Variants in PEX3 observed in about 807,000 individuals in gnomAD.
PEX3 encodes the protein peroxisomal biogenesis factor 3.
In PEX3, 30 loss-of-function variants were observed where a neutral mutation model predicts 55.8. That is an observed-to-expected ratio of 0.54 (90% CI 0.40 to 0.73). The LOEUF is 0.73. Among genes scored for constraint, PEX3 ranks in the 30% least tolerant of loss-of-function variants. The probability of loss-of-function intolerance (pLI) is 0.00; values close to 1 mark genes in which losing one functional copy is unlikely to be tolerated. For missense variants in PEX3, 351 were observed against 432.8 expected, an observed-to-expected ratio of 0.81 and a Z score of 1.68; for synonymous variants, 135 against 148.4, an observed-to-expected ratio of 0.91 and a Z score of 0.66.
Position 143,471,700 on chromosome 6 carries a change from C to G in PEX3, c.578+89C>G. The G allele has an allele frequency of 1.1e-6, 1 of 916,886 alleles. No individual in the cohort carries two copies. The highest frequency in any genetic ancestry group is 1.8e-6 in the Non-Finnish European group (1 of 548,952). 56.8% of individuals were successfully genotyped at this position (916,886 alleles called of 1,614,324 possible). On this transcript the variant is annotated intron_variant, in intron 7 of 11. Coordinates refer to ENST00000367591, the MANE Select transcript of PEX3 (RefSeq NM_003630.3). This position sits in a 1 kb window ranked among gnomAD's most constrained non-coding sequence, Gnocchi z 5.4. ...TGTTCTAGTGAAACCAGTGACTTGA[C>G]AAACGGTGATTTGTGAAACTCTTTG...
chr6:143,477,749 C>T (rs1040485864), intron 9 of PEX3, among the ~76,000 whole-genome samples: 3 of 152,122 alleles, frequency 2.0e-5, no homozygotes, highest in Admixed American at 6.5e-5. Flanking sequence ...TCTATCTTAA[C>T]TCACTTAAAC....
At chr6:143,474,950 A>G (rs1304290976) in intron 9 of PEX3, 94 bp downstream of exon 9, 5 of 672,134 alleles carry the variant, frequency 7.4e-6, no homozygotes, top group Non-Finnish European at 1.3e-5. Context: ...TGGTCGGTAT[A>G]ATATTATATT....
Position 143,471,133 on chromosome 6 carries a change from T to C in PEX3, c.456+48T>C. Reference sequence around the variant, plus strand: ...GACATTGTTCTTTCCCTCAGGAGGTTCAAAGTTTAACTTATTTATCCTGAT... The same window carrying C: ...GACATTGTTCTTTCCCTCAGGAGGTCCAAAGTTTAACTTATTTATCCTGAT... On this transcript the variant is annotated intron_variant, in intron 5 of 11. Coordinates refer to ENST00000367591, the MANE Select transcript of PEX3 (RefSeq NM_003630.3). This position sits in a 1 kb window ranked among gnomAD's most constrained non-coding sequence, Gnocchi z 5.4. The C allele has an allele frequency of 6.4e-7, 1 of 1,560,418 alleles. No homozygotes were observed. The highest frequency in any genetic ancestry group is 1.1e-5 in the South Asian group (1 of 89,706).
chr6:143,485,664 GT>G lies in PEX3; in HGVS notation c.1038+418del, dbSNP rs558064721. ...TTTTAGTGATTAATAAAATGTAACA[GT>G]TAATAGTGCATCAATAATATGCTCA... On this transcript the variant is annotated intron_variant, in intron 11 of 11. Coordinates refer to ENST00000367591, the MANE Select transcript of PEX3 (RefSeq NM_003630.3). This position sits in a 1 kb window ranked among gnomAD's most constrained non-coding sequence, Gnocchi z 5.6. Among the ~76,000 whole-genome samples the G allele has an allele frequency of 2.5e-3, 377 of 152,204 alleles. 10 individuals are homozygous for G. The highest frequency in any genetic ancestry group is 0.022 in the Admixed American group (336 of 15,266).
chr6:143,451,144 A>C lies in PEX3; in HGVS notation c.73+29A>C. 1.9e-5 allele frequency: 28 copies of C among 1,457,332 alleles called. No individual in the cohort carries two copies. Among genetic ancestry groups the C allele is most frequent in the Non-Finnish European group, 2.3e-5 (24 of 1,036,728 alleles). The allele number at this position is 1,457,332 out of a possible 1,614,324, so 90.3% of individuals were successfully genotyped here. A position where few individuals can be genotyped will look rare whatever the true frequency, so the allele number is the denominator to read the frequency against. ...GGTGACAACGTGCTTGAAAGGGGGC[A>C]TTGGGAGAAGGGGGTGGGAGAGGTG... On this transcript the variant is annotated intron_variant, in intron 1 of 11. Coordinates refer to ENST00000367591, the MANE Select transcript of PEX3 (RefSeq NM_003630.3). This position sits in a 1 kb window ranked among gnomAD's most constrained non-coding sequence, Gnocchi z 4.1.
chr6:143,463,181 G>A lies in PEX3; in HGVS notation c.287+184G>A, dbSNP rs1034033825. 1.3e-5 allele frequency among the ~76,000 whole-genome samples: 2 copies of A among 151,770 alleles called. No individual in the cohort carries two copies. The highest frequency in any genetic ancestry group is 4.8e-5 in the African/African-American group (2 of 41,336). On this transcript the variant is annotated intron_variant, in intron 3 of 11. Coordinates refer to ENST00000367591, the MANE Select transcript of PEX3 (RefSeq NM_003630.3). This position sits in a 1 kb window ranked among gnomAD's most constrained non-coding sequence, Gnocchi z 5.7. ...AATTTTGTCTATGCTCTACTTTTTT[G>A]CATAAAGCATTCAAGGCAATGATAT...
In PEX3 at chr6:143,471,155, TGA is replaced by T; in HGVS notation, c.456+71_456+72del. 7.7e-7 allele frequency: 1 copy of T among 1,301,880 alleles called. No homozygotes were observed. Among genetic ancestry groups the T allele is most frequent in the East Asian group, 2.3e-5 (1 of 43,254 alleles). 80.6% of individuals were successfully genotyped at this position (1,301,880 alleles called of 1,614,324 possible). A position where few individuals can be genotyped will look rare whatever the true frequency, so the allele number is the denominator to read the frequency against. On this transcript the variant is annotated intron_variant, in intron 5 of 11. Coordinates refer to ENST00000367591, the MANE Select transcript of PEX3 (RefSeq NM_003630.3). The surrounding 1 kb of genome is among the most constrained non-coding windows in gnomAD (Gnocchi z 5.4). ...GGTTCAAAGTTTAACTTATTTATCCTGATAACAATTTCTATGAAATAAATATT... is the reference window on the plus strand; with the variant it reads ...GGTTCAAAGTTTAACTTATTTATCCTTAACAATTTCTATGAAATAAATATT...
rs1470801085 is a variant in PEX3 at position 143,465,209 on chromosome 6, AG to A, written c.287+2214del. 6.6e-6 allele frequency among the ~76,000 whole-genome samples: 1 copy of A among 152,018 alleles called. No individual in the cohort carries two copies. The highest frequency in any genetic ancestry group is 1.9e-4 in the East Asian group (1 of 5,200). ...ATTTCCATCAAACAAATCATTTGAA[AG>A]GAATATTTGTGTTGAAGGTACTTTT... On this transcript the variant is annotated intron_variant, in intron 3 of 11. Transcript: ENST00000367591. The surrounding 1 kb of genome is among the most constrained non-coding windows in gnomAD (Gnocchi z 4.7).
chr6:143,485,448 T>C lies in PEX3; in HGVS notation c.1038+200T>C, dbSNP rs1186630476. ...CAAATGTGTAAGTTTGGAGTACCTT[T>C]CTCCGTGTTGTAGTCCAACACTGTG... On this transcript the variant is annotated intron_variant, in intron 11 of 11. Coordinates refer to ENST00000367591, the MANE Select transcript of PEX3 (RefSeq NM_003630.3). The surrounding 1 kb of genome is among the most constrained non-coding windows in gnomAD (Gnocchi z 5.6). Among the ~76,000 whole-genome samples, 2 of 152,042 alleles carry C rather than the reference T, an allele frequency of 1.3e-5. No homozygotes were observed. Among genetic ancestry groups the C allele is most frequent in the Non-Finnish European group, 2.9e-5 (2 of 67,970 alleles).
chr6:143,480,198 T>C (rs568536607), intron 10 of PEX3, among the ~76,000 whole-genome samples: 1 of 152,168 alleles, frequency 6.6e-6, no homozygotes, highest in African/African-American at 2.4e-5. Flanking sequence ...TAAAAAAATT[T>C]TAAGTTATAC....
rs1338351926 is a variant in PEX3 at position 143,458,101 on chromosome 6, A to C, written c.74-984A>C. Among the ~76,000 whole-genome samples the C allele has an allele frequency of 2.6e-5, 4 of 152,260 alleles. No individual in the cohort carries two copies. The highest frequency in any genetic ancestry group is 7.2e-5 in the African/African-American group (3 of 41,472). ...AAATATTTGGTGCTAAATCAGTGAT[A>C]AAAGCTAGTTGAAGAGCTTAAGCTT... is the stretch of plus-strand genomic sequence containing the variant. On this transcript the variant is annotated intron_variant, in intron 1 of 11. Coordinates refer to ENST00000367591, the MANE Select transcript of PEX3 (RefSeq NM_003630.3). The surrounding 1 kb of genome is among the most constrained non-coding windows in gnomAD (Gnocchi z 6.1).
rs1257294088 is a variant in PEX3, at chr6:143,459,723, G to A, written c.205+507G>A. Among the ~76,000 whole-genome samples, 1 of 152,168 alleles carries A rather than the reference G, an allele frequency of 6.6e-6. No homozygotes were observed. The highest frequency in any genetic ancestry group is 2.4e-5 in the African/African-American group (1 of 41,448). On this transcript the variant is annotated intron_variant, in intron 2 of 11. Transcript: ENST00000367591. This position sits in a 1 kb window ranked among gnomAD's most constrained non-coding sequence, Gnocchi z 4.2. ...GGTACTCTCAGGACACAGCAAAAAG[G>A]CCATGTAGCTAGAGCAGAATGAACA...
chr6:143,481,182 C>T (rs978269451), intron 10 of PEX3, among the ~76,000 whole-genome samples: 1 of 147,300 alleles, frequency 6.8e-6, no homozygotes, highest in African/African-American at 2.5e-5. Flanking sequence ...AATATATATG[C>T]AACATATATG....
rs1286657926 is a variant in PEX3 at position 143,489,006 on chromosome 6, T to C, written c.1039-137T>C. 14 of 642,088 alleles carry C rather than the reference T, an allele frequency of 2.2e-5. No individual in the cohort carries two copies. The African/African-American group carries it at 2.4e-4, about 11-fold the overall frequency. The allele number at this position is 642,088 out of a possible 1,614,324, so 39.8% of individuals were successfully genotyped here. A position where few individuals can be genotyped will look rare whatever the true frequency, so the allele number is the denominator to read the frequency against. ...TCCTAGAATTTATTACAAGAAAAACTACTCATTTTCTTAAATGGTTTGCCT... is the reference window on the plus strand; with the variant it reads ...TCCTAGAATTTATTACAAGAAAAACCACTCATTTTCTTAAATGGTTTGCCT... On this transcript the variant is annotated intron_variant, in intron 11 of 11. Transcript: ENST00000367591. This position sits in a 1 kb window ranked among gnomAD's most constrained non-coding sequence, Gnocchi z 5.5.
At chr6:143,474,725 G>A (rs939003311) in intron 8 of PEX3, 61 bp from the exon 9 acceptor site, 30 of 874,154 alleles carry the variant, frequency 3.4e-5, no homozygotes, top group Non-Finnish European at 1.2e-5. Context: ...AATGTGATTA[G>A]TTTCATCATA....
intron 1 of PEX3, among the ~76,000 whole-genome samples, chr6:143,456,238 C>T (rs1229147743): frequency 6.6e-6 from 1 of 152,134 alleles, no homozygotes; most frequent in Non-Finnish European, 1.5e-5. Flanking sequence ...ATACCAGAGC[C>T]GTCAATATCT....
rs1466893545 is a variant in PEX3 at position 143,475,997 on chromosome 6, C to T, written c.818+1141C>T. On this transcript the variant is annotated intron_variant, in intron 9 of 11. Transcript: ENST00000367591. The surrounding 1 kb of genome is among the most constrained non-coding windows in gnomAD (Gnocchi z 4.4). ...TATGTTAGTGGGAGAGAAAAATAAT[C>T]AACTAATAAATTTGATGTAATGTCA... Among the ~76,000 whole-genome samples the T allele has an allele frequency of 6.6e-6, 1 of 152,152 alleles. No individual in the cohort carries two copies. Among genetic ancestry groups the T allele is most frequent in the African/African-American group, 2.4e-5 (1 of 41,440 alleles).
In PEX3 at chr6:143,464,073, A is replaced by T. The variant is rs565675316; in HGVS notation, c.287+1076A>T. Among the ~76,000 whole-genome samples the T allele has an allele frequency of 6.8e-6, 1 of 146,780 alleles. No homozygotes were observed. The highest frequency in any genetic ancestry group is 1.5e-5 in the Non-Finnish European group (1 of 67,582). On this transcript the variant is annotated intron_variant, in intron 3 of 11. Transcript: ENST00000367591. The surrounding 1 kb of genome is among the most constrained non-coding windows in gnomAD (Gnocchi z 5.8). ...GACAGACCTTCCTTCCTTCTTACAG[A>T]TATAAGGTTTAGCTTATAAATTAGT...
chr6:143,472,790 C>T (rs1036521531), intron 8 of PEX3, among the ~76,000 whole-genome samples: 1 of 152,066 alleles, frequency 6.6e-6, no homozygotes, highest in Non-Finnish European at 1.5e-5. Context: ...TTTAACCAGT[C>T]CAATAACACA....
Sources: gnomAD v4.1 joint callset for allele counts (sites outside exome capture counted in the v4.1 genomes callset) on GRCh38, gnomAD v4.1.1 for gene constraint, Gnocchi (gnomAD v3.1) non-coding constraint, MANE v1.5 for transcripts, NCBI Gene and HGNC (gene_info 2026-07-23, HGNC 2026-07-21) for gene names.